COL24A1: variants seen among roughly 807,000 people sequenced by gnomAD.
The protein encoded by COL24A1 is collagen alpha-1(XXIV) chain.
In COL24A1, 224 loss-of-function variants were observed where a neutral mutation model predicts 253.9. That is an observed-to-expected ratio of 0.88 (90% CI 0.79 to 0.99). The LOEUF is 0.99. Among genes scored for constraint, COL24A1 ranks in the 50% least tolerant of loss-of-function variants. COL24A1 has a pLI of 0.00. For missense variants in COL24A1, 2,131 were observed against 2,068.5 expected (o/e 1.03, Z -0.59); for synonymous variants, 685 against 673.7 (o/e 1.02, Z -0.26).
chr1:85,829,578 G>GT (rs1558292375), intron 43 of COL24A1, among the ~76,000 whole-genome samples: 1 of 151,596 alleles, frequency 6.6e-6, no homozygotes, highest in East Asian at 1.9e-4. Context: ...CGTAGATTTG[G>GT]TTTTTTCATA....
At chr1:85,898,019 C>T (rs909320790) in intron 28 of COL24A1, among the ~76,000 whole-genome samples, 2 of 151,894 alleles carry the variant, frequency 1.3e-5, no homozygotes, top group African/African-American at 4.8e-5. Flanking sequence ...AATATAGAGG[C>T]ATGAAAACAG....
Position 86,046,301 on chromosome 1 carries a change from A to G in COL24A1, c.1950+524T>C, listed in dbSNP as rs77459834. Among the ~76,000 whole-genome samples the G allele has an allele frequency of 2.5e-3, 379 of 152,280 alleles. 10 individuals are homozygous for G. The East Asian group carries it at 0.046, about 19-fold the overall frequency. On this transcript the variant is annotated intron_variant, in intron 12 of 59. Transcript: ENST00000370571. ...CCACATTTTTCTCATTTGTTAAGCA[A>G]TGGGGTACTGGATGATGTCACAATT...
intron 24 of COL24A1, among the ~76,000 whole-genome samples, chr1:85,923,662 T>A (rs1166773158): frequency 6.6e-6 from 1 of 152,106 alleles, no homozygotes; most frequent in East Asian, 1.9e-4. Context: ...CTGGGACATA[T>A]TAAAAGCAGT....
chr1:85,975,144 G>C (rs1178097444), intron 20 of COL24A1, among the ~76,000 whole-genome samples: 3 of 152,124 alleles, frequency 2.0e-5, no homozygotes, highest in Non-Finnish European at 4.4e-5. Flanking sequence ...AGAACACAGA[G>C]AAAGGGTGAT....
chr1:85,919,268 G>A (rs1686213199), intron 24 of COL24A1, among the ~76,000 whole-genome samples: 1 of 152,204 alleles, frequency 6.6e-6, no homozygotes, highest in African/African-American at 2.4e-5. Context: ...ACTGACTGAT[G>A]CAATATGTCC....
intron 2 of COL24A1, among the ~76,000 whole-genome samples, chr1:86,135,045 T>C (rs6665421): frequency 0.97 from 147,290 of 151,848 alleles, 71,581 homozygotes; most frequent in Non-Finnish European, 1. Flanking sequence ...GCATTGGGTG[T>C]ATGTATATTT....
intron 43 of COL24A1, among the ~76,000 whole-genome samples, chr1:85,834,247 G>A (rs188172204): frequency 6.6e-6 from 1 of 151,882 alleles, no homozygotes; most frequent in Non-Finnish European, 1.5e-5. Flanking sequence ...CATGAGTAGG[G>A]GTATGGGGAA....
intron 7 of COL24A1, among the ~76,000 whole-genome samples, chr1:86,064,521 G>A (rs999437368): frequency 2.6e-5 from 4 of 152,038 alleles, no homozygotes; most frequent in Admixed American, 1.3e-4. Context: ...AAAAATCAGT[G>A]GTTTGATCTA....
intron 11 of COL24A1, among the ~76,000 whole-genome samples, chr1:86,049,059 G>C (rs1204427178): frequency 6.6e-6 from 1 of 152,192 alleles, no homozygotes; most frequent in Non-Finnish European, 1.5e-5. Context: ...TCAATTCTCT[G>C]CGTGATCGGT....
chr1:85,823,856 A>G (rs1673920510), intron 43 of COL24A1, 118 bp from the exon 44 acceptor site: 1 of 851,906 alleles, frequency 1.2e-6, no homozygotes, highest in African/African-American at 1.7e-5. Flanking sequence ...AATGTCGTAG[A>G]GATTATGATT....
intron 19 of COL24A1, among the ~76,000 whole-genome samples, chr1:86,005,231 T>C (rs1231467793): frequency 6.6e-6 from 1 of 151,978 alleles, no homozygotes; most frequent in African/African-American, 2.4e-5. Context: ...ACATAATCAA[T>C]AAGGAAGGGC....
At chr1:86,155,324 C>T (rs1166774127) in intron 1 of COL24A1, 1 of 152,706 alleles carries the variant, frequency 6.5e-6, no homozygotes, top group African/African-American at 2.4e-5. Context: ...TCTTTCTCCG[C>T]ACCCTGCCTC....
chr1:86,081,434 T>C (rs1304985478), intron 7 of COL24A1, among the ~76,000 whole-genome samples: 1 of 152,180 alleles, frequency 6.6e-6, no homozygotes, highest in Admixed American at 6.5e-5. Flanking sequence ...ATATGTAGAA[T>C]CTTAAATGTC....
intron 58 of COL24A1, among the ~76,000 whole-genome samples, chr1:85,735,902 CAAAAAG>C (rs1451430132): frequency 1.3e-4 from 19 of 150,900 alleles, no homozygotes; most frequent in Admixed American, 1.2e-3. Context: ...ACAATAACAA[CAAAAAG>C]AAAAACAGAA....
At chr1:85,735,071 C>T in intron 58 of COL24A1, 107 bp from the exon 59 acceptor site, 1 of 1,004,196 alleles carries the variant, frequency 1.0e-6, no homozygotes, top group South Asian at 1.5e-5. Flanking sequence ...CAGAAAGCTC[C>T]TTTCCTTGGA....
chr1:86,108,154 TA>T (rs1465787457), intron 5 of COL24A1, among the ~76,000 whole-genome samples: 1 of 152,176 alleles, frequency 6.6e-6, no homozygotes, highest in Non-Finnish European at 1.5e-5. Flanking sequence ...AAACAGTATT[TA>T]AAAACACTGT....
chr1:85,896,540 G>C, intron 28 of COL24A1, 131 bp from the exon 29 acceptor site: 3 of 723,108 alleles, frequency 4.1e-6, no homozygotes, highest in Admixed American at 4.7e-5. Context: ...CTGTCGCCCA[G>C]GCTGGAGTGC....
intron 55 of COL24A1, among the ~76,000 whole-genome samples, chr1:85,756,721 C>T (rs1351797998): frequency 6.6e-6 from 1 of 152,008 alleles, no homozygotes; most frequent in Non-Finnish European, 1.5e-5. Context: ...GGTATATACC[C>T]AAATGAATTG....
chr1:85,896,688 CG>C (rs1683777767), intron 28 of COL24A1, among the ~76,000 whole-genome samples: 1 of 152,086 alleles, frequency 6.6e-6, no homozygotes, highest in South Asian at 2.1e-4. Context: ...TTAGTACAGA[CG>C]GGGTTTCACT....
Sources: allele counts gnomAD v4.1 joint callset (sites outside exome capture counted in the v4.1 genomes callset), GRCh38; gene constraint gnomAD v4.1.1; transcripts MANE v1.5; gene names NCBI Gene and HGNC (gene_info 2026-07-23, HGNC 2026-07-21).